Variants in MAMDC2 observed in about 807,000 individuals in gnomAD.
The protein encoded by MAMDC2 is MAM domain containing 2.
Under a neutral mutation model 89.8 loss-of-function variants are expected in MAMDC2, and 57 were observed. The observed-to-expected ratio is 0.63, with a 90% confidence interval of 0.51 to 0.79. The LOEUF (loss-of-function observed/expected upper bound fraction) is 0.79. Ranked by LOEUF, MAMDC2 falls within the 30% of genes least tolerant of loss-of-function variation. The probability of loss-of-function intolerance (pLI) is 0.00; values close to 1 mark genes in which losing one functional copy is unlikely to be tolerated. For synonymous variants in MAMDC2, 313 were observed against 293.4 expected, an observed-to-expected ratio of 1.07 and a Z score of -0.68; for missense variants, 800 against 820.6, an observed-to-expected ratio of 0.97 and a Z score of 0.31.
chr9:70,127,004 T>C (rs1416927213), intron 6 of MAMDC2, among the ~76,000 whole-genome samples: 1 of 152,066 alleles, frequency 6.6e-6, no homozygotes, highest in Non-Finnish European at 1.5e-5. Context: ...AATTAGAAAA[T>C]TCAGAGAAAT....
At chr9:70,146,833 G>A (rs2031419714) in intron 9 of MAMDC2, among the ~76,000 whole-genome samples, 1 of 152,040 alleles carries the variant, frequency 6.6e-6, no homozygotes, top group African/African-American at 2.4e-5. Flanking sequence ...TACCCATGAG[G>A]CTGAGACAGG....
chr9:70,166,344 T>TATACACACACACACATATAA (rs2118515361), intron 9 of MAMDC2, among the ~76,000 whole-genome samples: 1 of 150,998 alleles, frequency 6.6e-6, no homozygotes, highest in East Asian at 1.9e-4. Context: ...CACACATATA[T>TATACACACACACACATATAA]ATACACACAC....
rs139582463 is a variant in MAMDC2, at chr9:70,077,044, G to A, written c.149-31167G>A. Among the ~76,000 whole-genome samples, 911 of 152,264 alleles carry A rather than the reference G, an allele frequency of 6.0e-3. 6 individuals carry two copies. Among genetic ancestry groups the A allele is most frequent in the African/African-American group, 0.021 (874 of 41,544 alleles). ...TACTTAAATAATATGTCAGCATCAG[G>A]AAGTAGTTTAAATAATAGACGATCT... On this transcript the variant is annotated intron_variant, in intron 2 of 13. Transcript: ENST00000377182.
intron 2 of MAMDC2, among the ~76,000 whole-genome samples, chr9:70,046,774 A>G (rs1342671054): frequency 1.3e-5 from 2 of 152,268 alleles, no homozygotes; most frequent in Non-Finnish European, 2.9e-5. Context: ...TTTCTGGCTC[A>G]GGACTGGGAC....
chr9:70,225,563 T>G (rs546591625), intron 12 of MAMDC2, among the ~76,000 whole-genome samples, 187 bp from the exon 13 acceptor site: 13 of 152,266 alleles, frequency 8.5e-5, no homozygotes, highest in African/African-American at 3.1e-4. Flanking sequence ...ATTTATTGTG[T>G]TTCTTTAAAT....
chr9:70,204,202 C>T (rs1382182020), intron 11 of MAMDC2, among the ~76,000 whole-genome samples: 1 of 148,296 alleles, frequency 6.7e-6, no homozygotes, highest in South Asian at 2.2e-4. Context: ...TACTTTTGGT[C>T]TTTGATGATG....
At chr9:70,102,731 C>T (rs897499057) in intron 2 of MAMDC2, among the ~76,000 whole-genome samples, 1 of 152,132 alleles carries the variant, frequency 6.6e-6, no homozygotes, top group Non-Finnish European at 1.5e-5. Context: ...AGTTTATGGC[C>T]CTTTTCTGAC....
intron 12 of MAMDC2, among the ~76,000 whole-genome samples, chr9:70,224,809 G>A (rs535404739): frequency 6.6e-6 from 1 of 152,240 alleles, no homozygotes; most frequent in South Asian, 2.1e-4. Flanking sequence ...TCACGAGTTG[G>A]ATCCTTAGCA....
chr9:70,119,684 C>A (rs2030197136), intron 5 of MAMDC2, among the ~76,000 whole-genome samples: 2 of 152,174 alleles, frequency 1.3e-5, no homozygotes, highest in African/African-American at 4.8e-5. Flanking sequence ...AGAGACTGGG[C>A]CACACAACAG....
chr9:70,144,018 C>T (rs1563973504), intron 9 of MAMDC2, among the ~76,000 whole-genome samples, 199 bp downstream of exon 9: 1 of 152,228 alleles, frequency 6.6e-6, no homozygotes, highest in South Asian at 2.1e-4. Flanking sequence ...TGAATCACAG[C>T]CACCTAGAGA....
At chr9:70,182,206 G>A (rs536955592) in intron 11 of MAMDC2, among the ~76,000 whole-genome samples, 26 of 152,156 alleles carry the variant, frequency 1.7e-4, no homozygotes, top group Admixed American at 2.6e-4. Context: ...GGATGAAGCC[G>A]ACTTGATTGT....
chr9:70,043,917 C>T lies in MAMDC2; in HGVS notation c.-281C>T. 1.7e-6 allele frequency: 1 copy of T among 571,500 alleles called. No homozygotes were observed. Among genetic ancestry groups the T allele is most frequent in the Non-Finnish European group, 3.1e-6 (1 of 320,300 alleles). The allele number at this position is 571,500 out of a possible 1,614,324, so 35.4% of individuals were successfully genotyped here. On this transcript the variant is annotated 5_prime_UTR_variant, in exon 1 of 14. Transcript: ENST00000377182. ...GCAGTTGTCTCCTCCCTGTCCAGCCCCATCGTCGCCCAGGACCAGCTGGGC... is the reference window on the plus strand; with the variant it reads ...GCAGTTGTCTCCTCCCTGTCCAGCCTCATCGTCGCCCAGGACCAGCTGGGC...
At chr9:70,145,178 G>A (rs536452507) in intron 9 of MAMDC2, among the ~76,000 whole-genome samples, 16 of 152,302 alleles carry the variant, frequency 1.1e-4, no homozygotes, top group African/African-American at 3.6e-4. Context: ...TGCGAATTAA[G>A]TAGATAGTGT....
intron 2 of MAMDC2, among the ~76,000 whole-genome samples, chr9:70,050,760 A>G (rs1258303541): frequency 6.6e-6 from 1 of 152,162 alleles, no homozygotes; most frequent in East Asian, 1.9e-4. Flanking sequence ...TTTTGCTTAT[A>G]GTTATGCCAT....
chr9:70,066,240 G>T (rs57995086), intron 2 of MAMDC2, among the ~76,000 whole-genome samples: 2,350 of 152,208 alleles, frequency 0.015, 65 homozygotes, highest in African/African-American at 0.054. Context: ...CCAGGCAGAG[G>T]GGAAAGCAAG....
rs1486140509 is a variant in MAMDC2 at position 70,218,412 on chromosome 9, G to C, written c.1727G>C (p.Gly576Ala). The C allele has an allele frequency of 1.2e-6, 2 of 1,614,082 alleles. No individual in the cohort carries two copies. The highest frequency in any genetic ancestry group is 1.7e-6 in the Non-Finnish European group (2 of 1,180,032). The change falls in exon 12 of 14, where the codon GGA (glycine) becomes GCA (alanine). Residue 576 changes from glycine to alanine, a missense_variant. Coordinates refer to ENST00000377182, the MANE Select transcript of MAMDC2 (RefSeq NM_153267.5). Reference protein sequence around the residue: ...KARLLSRPLRGVSGKHCLTFF... With the variant: ...KARLLSRPLRAVSGKHCLTFF... Reference sequence around the variant, plus strand: ...CGCCTCTTGTCCAGGCCTCTGCGAGGAGTCTCTGGAAAACACTGCTTGACC... The same window carrying C: ...CGCCTCTTGTCCAGGCCTCTGCGAGCAGTCTCTGGAAAACACTGCTTGACC...
intron 5 of MAMDC2, among the ~76,000 whole-genome samples, chr9:70,119,185 CA>C (rs5898117): frequency 0.1 from 10,062 of 97,832 alleles, 365 homozygotes; most frequent in East Asian, 0.25. Flanking sequence ...CATACCTTAG[CA>C]AAAAAAAAAA....
rs928133659 is a variant in MAMDC2, at chr9:70,048,545, C to T, written c.148+3848C>T. 7.2e-5 allele frequency among the ~76,000 whole-genome samples: 11 copies of T among 152,332 alleles called. No individual in the cohort carries two copies. In the East Asian group the frequency reaches 7.7e-4, roughly 11 times the overall value. On this transcript the variant is annotated intron_variant, in intron 2 of 13. Coordinates refer to ENST00000377182, the MANE Select transcript of MAMDC2 (RefSeq NM_153267.5). ...AACTCCTGACCTTGAGTGATCCACC[C>T]GCTTCGACCTCCCAAAGTACTGGGA...
intron 11 of MAMDC2, among the ~76,000 whole-genome samples, chr9:70,177,553 A>G (rs1327550032): frequency 5.3e-5 from 8 of 152,212 alleles, no homozygotes; most frequent in Admixed American, 2.6e-4. Flanking sequence ...TTGGACATTT[A>G]CCACGTGTAG....
Sources: allele counts gnomAD v4.1 joint callset (sites outside exome capture counted in the v4.1 genomes callset), GRCh38; gene constraint gnomAD v4.1.1; transcripts MANE v1.5; gene names NCBI Gene and HGNC (gene_info 2026-07-23, HGNC 2026-07-21).